The following GSE1 variants were observed in gnomAD, a reference collection of about 807,000 sequenced individuals.
GSE1 encodes Gse1 coiled-coil protein, also known as genetic suppressor element 1.
In GSE1, 32 loss-of-function variants were observed where a neutral mutation model predicts 112.6. That is an observed-to-expected ratio of 0.28 (90% CI 0.21 to 0.38). The LOEUF (loss-of-function observed/expected upper bound fraction) is 0.38, where lower values mean the gene tolerates loss of function less well. Among genes scored for constraint, GSE1 ranks in the 10% least tolerant of loss-of-function variants. GSE1 has a pLI of 1.00. For synonymous variants in GSE1, 1,115 were observed against 735.6 expected, an observed-to-expected ratio of 1.52 and a Z score of -8.35; for missense variants, 2,348 against 1,699.2, an observed-to-expected ratio of 1.38 and a Z score of -6.71.
intron 1 of GSE1, among the ~76,000 whole-genome samples, chr16:85,179,192 C>T (rs2074530872): frequency 6.6e-6 from 1 of 152,128 alleles, no homozygotes; most frequent in Non-Finnish European, 1.5e-5. Context: ...GGCACCCACT[C>T]GTCTGCCCTC....
At position 85,676,041 on chromosome 16, in the gene GSE1, C is replaced by G. The variant is rs1450178403; in HGVS notation, c.*3502C>G. The G allele has an allele frequency of 2.0e-5, 3 of 152,646 alleles. No individual in the cohort carries two copies. The highest frequency in any genetic ancestry group is 2.0e-4 in the Admixed American group (3 of 15,286). The allele number at this position is 152,646 out of a possible 1,614,324, so 9.5% of individuals were successfully genotyped here. The stretch of plus-strand genomic sequence containing the variant: ...GAGGAACACCGGTGCCTCGGTCACT[C>G]TGGGGGCAGTTTAGATGCTGTGAAA... On this transcript the variant is annotated 3_prime_UTR_variant, in exon 16 of 16. Transcript: ENST00000253458.
At chr16:85,448,663 G>C (rs1352165760) in intron 2 of GSE1, among the ~76,000 whole-genome samples, 1 of 152,210 alleles carries the variant, frequency 6.6e-6, no homozygotes. Flanking sequence ...CATCTGCCAA[G>C]TTAATGCAAA....
chr16:85,497,624 C>T (rs1057240409), intron 2 of GSE1, among the ~76,000 whole-genome samples: 3 of 152,232 alleles, frequency 2.0e-5, no homozygotes, highest in African/African-American at 7.2e-5. Context: ...GTCTGTGCAG[C>T]AGTATGGTGT....
intron 2 of GSE1, among the ~76,000 whole-genome samples, chr16:85,370,411 A>G (rs1219627169): frequency 6.6e-6 from 1 of 152,064 alleles, no homozygotes; most frequent in Non-Finnish European, 1.5e-5. Flanking sequence ...CCCCAAATAC[A>G]CTAAGATGGG....
In GSE1 at chr16:85,657,312, C is replaced by T. The variant is rs2052047224; in HGVS notation, c.1348C>T (p.Pro450Ser). 3 of 1,594,572 alleles carry T rather than the reference C, an allele frequency of 1.9e-6. No homozygotes were observed. Among genetic ancestry groups the T allele is most frequent in the African/African-American group, 2.7e-5 (2 of 74,230 alleles). The change falls in exon 8 of 16, where the codon CCC becomes TCC. Residue 450 changes from proline to serine, a missense_variant. Coordinates refer to ENST00000253458, the MANE Select transcript of GSE1 (RefSeq NM_014615.5). ...LKDAGLQAPK[P>S]VQHPLHPVPT... is the part of the protein sequence containing the mutation. ...GGATGCCGGCCTGCAGGCGCCCAAGCCCGTCCAACACCCCTTGCATCCGGT... is the reference window on the plus strand; with the variant it reads ...GGATGCCGGCCTGCAGGCGCCCAAGTCCGTCCAACACCCCTTGCATCCGGT...
chr16:85,612,261 C>A (rs1331357814), upstream of GSE1, among the ~76,000 whole-genome samples: 3 of 123,840 alleles, frequency 2.4e-5, no homozygotes, highest in Non-Finnish European at 5.2e-5. Context: ...CGGGGCGGGG[C>A]GGGGTGGGCG....
At chr16:85,362,003 C>T (rs2047092353) in intron 2 of GSE1, among the ~76,000 whole-genome samples, 1 of 152,214 alleles carries the variant, frequency 6.6e-6, no homozygotes, top group South Asian at 2.1e-4. Flanking sequence ...GCTTTGGTTC[C>T]CAGGTGTTGC....
At chr16:85,260,915 C>T (rs778631119) in intron 1 of GSE1, among the ~76,000 whole-genome samples, 6 of 152,246 alleles carry the variant, frequency 3.9e-5, no homozygotes, top group Non-Finnish European at 5.9e-5. Flanking sequence ...CTAAGGACAT[C>T]TGTTGACCTA....
At chr16:85,544,003 A>G (rs1807210099) in intron 2 of GSE1, among the ~76,000 whole-genome samples, 1 of 152,076 alleles carries the variant, frequency 6.6e-6, no homozygotes, top group African/African-American at 2.4e-5. Flanking sequence ...ACACCTAGTT[A>G]ATTGTATTTT....
At chr16:85,293,523 G>A (rs939337340) in intron 1 of GSE1, among the ~76,000 whole-genome samples, 1 of 152,088 alleles carries the variant, frequency 6.6e-6, no homozygotes, top group African/African-American at 2.4e-5. Flanking sequence ...TCCAGCCCAG[G>A]GGATAGAGTG....
chr16:85,385,458 C>A (rs772277887), intron 2 of GSE1, among the ~76,000 whole-genome samples: 1 of 152,124 alleles, frequency 6.6e-6, no homozygotes, highest in Non-Finnish European at 1.5e-5. Flanking sequence ...CTGGGTGGGA[C>A]ATACTTGCCT....
chr16:85,642,427 C>T (rs1249229002), intron 2 of GSE1, among the ~76,000 whole-genome samples: 2 of 152,190 alleles, frequency 1.3e-5, no homozygotes, highest in Non-Finnish European at 2.9e-5. Context: ...CCCACCCTGG[C>T]CGGCACCTGC....
At chr16:85,220,274 C>G (rs1181476689) in intron 1 of GSE1, among the ~76,000 whole-genome samples, 1 of 152,186 alleles carries the variant, frequency 6.6e-6, no homozygotes, top group Non-Finnish European at 1.5e-5. Flanking sequence ...CAGTTAGGAG[C>G]TGGGGGCAGG....
rs549201350 is a variant in GSE1, at chr16:85,281,969, TG to T, written c.2284-75492del. Among the ~76,000 whole-genome samples the T allele has an allele frequency of 4.2e-4, 64 of 152,212 alleles. No individual in the cohort carries two copies. In the East Asian group the frequency reaches 0.012, roughly 29 times the overall value. ...GCAGAGCCCTGTGTAGGGTCTTAGATGGCACAGATGGTGCCGGGTGCCACAG... is the reference window on the plus strand; with the variant it reads ...GCAGAGCCCTGTGTAGGGTCTTAGATGCACAGATGGTGCCGGGTGCCACAG... On this transcript the variant is annotated intron_variant, in intron 1 of 2. Coordinates refer to the GSE1 transcript ENST00000637419.
intron 2 of GSE1, among the ~76,000 whole-genome samples, chr16:85,517,736 G>A (rs933226570): frequency 6.6e-6 from 1 of 152,222 alleles, no homozygotes; most frequent in Admixed American, 6.5e-5. Context: ...TCTGGTCTTC[G>A]GAGAGTGACA....
intron 2 of GSE1, among the ~76,000 whole-genome samples, chr16:85,386,843 G>A (rs1597566249): frequency 6.6e-6 from 1 of 152,204 alleles, no homozygotes; most frequent in Admixed American, 6.5e-5. Flanking sequence ...ATGGGTGCTG[G>A]AGGGGAGGGA....
intron 2 of GSE1, among the ~76,000 whole-genome samples, chr16:85,456,639 T>TGTGTGTGTGG (rs1491261060): frequency 7.0e-6 from 1 of 143,254 alleles, no homozygotes; most frequent in African/African-American, 2.6e-5. Context: ...TGTGTGTGTG[T>TGTGTGTGTGG]GGTCTGCCAT....
chr16:85,426,056 T>TGGATGGATGGATGGATGGATGGATGGAA (rs773440404), intron 2 of GSE1, among the ~76,000 whole-genome samples: 104 of 144,138 alleles, frequency 7.2e-4, no homozygotes, highest in East Asian at 4.9e-3. Context: ...GATGGATGGA[T>TGGATGGATGGATGGATGGATGGATGGAA]GGATGGATGG....
intron 2 of GSE1, among the ~76,000 whole-genome samples, chr16:85,434,475 A>G (rs60346391): frequency 0.06 from 9,193 of 152,216 alleles, 433 homozygotes; most frequent in East Asian, 0.26. Flanking sequence ...AGATGAGGAA[A>G]TTGAGGCACA....
Sources: allele counts gnomAD v4.1 joint callset (sites outside exome capture counted in the v4.1 genomes callset), GRCh38; gene constraint gnomAD v4.1.1; transcripts MANE v1.5; gene names NCBI Gene and HGNC (gene_info 2026-07-23, HGNC 2026-07-21).